The following TCERG1L variants were observed in gnomAD, a reference collection of about 807,000 sequenced individuals.
TCERG1L encodes transcription elongation regulator 1 like.
In TCERG1L, 37 loss-of-function variants were observed where a neutral mutation model predicts 56.3. That is an observed-to-expected ratio of 0.66 (90% CI 0.51 to 0.87). The LOEUF (loss-of-function observed/expected upper bound fraction) is 0.87, where lower values mean the gene tolerates loss of function less well. Ranked by LOEUF, TCERG1L falls within the 40% of genes least tolerant of loss-of-function variation. The pLI, the probability that TCERG1L is intolerant of heterozygous loss-of-function variation, is 0.00. For missense variants in TCERG1L, 799 were observed against 774.2 expected (o/e 1.03, Z -0.38); for synonymous variants, 324 against 326.3 (o/e 0.99, Z 0.08).
Position 131,249,300 on chromosome 10 carries a change from C to T in TCERG1L, c.856+10959G>A, listed in dbSNP as rs534029624. Among the ~76,000 whole-genome samples, 4 of 152,366 alleles carry T rather than the reference C, an allele frequency of 2.6e-5. No homozygotes were observed. In the South Asian group the frequency reaches 8.3e-4, roughly 32 times the overall value. On this transcript the variant is annotated intron_variant, in intron 4 of 11. Transcript: ENST00000368642. The stretch of plus-strand genomic sequence containing the variant: ...CTGTTGAAGAAAAATAAAGGGAATA[C>T]AGCAAGCTCTGGAAAGCCACCCGGC...
intron 4 of TCERG1L, among the ~76,000 whole-genome samples, chr10:131,180,572 A>G (rs754166915): frequency 4.3e-4 from 65 of 152,236 alleles, no homozygotes; most frequent in Admixed American, 1.3e-4. Context: ...ACGATTGTGT[A>G]GAAGAAAGAG....
intron 4 of TCERG1L, 48 bp from the exon 5 acceptor site, chr10:131,166,933 TTTG>T: frequency 1.3e-6 from 2 of 1,556,164 alleles, no homozygotes; most frequent in Non-Finnish European, 1.7e-6. Flanking sequence ...GTCACAGTAG[TTTG>T]GAAAACCTAA....
At chr10:131,188,298 A>G (rs920478394) in intron 4 of TCERG1L, among the ~76,000 whole-genome samples, 2 of 152,236 alleles carry the variant, frequency 1.3e-5, no homozygotes, top group Non-Finnish European at 1.5e-5. Flanking sequence ...AAGAGAACAC[A>G]GTAAAAACGG....
chr10:131,256,883 T>C (rs546759372), intron 4 of TCERG1L, among the ~76,000 whole-genome samples: 1 of 138,134 alleles, frequency 7.2e-6, no homozygotes, highest in African/African-American at 2.8e-5. Flanking sequence ...AGACTCCATC[T>C]CAAGAAAAAG....
intron 5 of TCERG1L, 129 bp downstream of exon 5, chr10:131,166,668 T>C (rs951744892): frequency 1.1e-6 from 1 of 915,284 alleles, no homozygotes; most frequent in African/African-American, 1.6e-5. Context: ...CAGGTCCTGC[T>C]GCTTCACACA....
At chr10:131,137,784 A>C (rs1370136743) in intron 7 of TCERG1L, among the ~76,000 whole-genome samples, 1 of 152,248 alleles carries the variant, frequency 6.6e-6, no homozygotes, top group Non-Finnish European at 1.5e-5. Context: ...ACTCATAAAC[A>C]AAAATATGTA....
intron 4 of TCERG1L, among the ~76,000 whole-genome samples, chr10:131,254,019 G>C (rs1846142191): frequency 6.6e-6 from 1 of 152,196 alleles, no homozygotes; most frequent in Admixed American, 6.5e-5. Context: ...CAGGATGGGA[G>C]GACTCGGGCC....
chr10:131,093,373 C>G, intron 11 of TCERG1L, 55 bp from the exon 12 acceptor site: 2 of 1,590,182 alleles, frequency 1.3e-6, no homozygotes, highest in Non-Finnish European at 1.7e-6. Context: ...CTGGCCTCCC[C>G]AGAGATCCTG....
chr10:131,289,901 GGT>G (rs543466766), intron 3 of TCERG1L, among the ~76,000 whole-genome samples: 146 of 5,220 alleles, frequency 0.028, 5 homozygotes, highest in Middle Eastern at 0.2. Context: ...ATCTCCTATC[GGT>G]GTGTGTGTGT....
At chr10:131,242,484 T>C (rs550091357) in intron 4 of TCERG1L, among the ~76,000 whole-genome samples, 37 of 152,160 alleles carry the variant, frequency 2.4e-4, no homozygotes, top group East Asian at 7.7e-4. Flanking sequence ...GTGGTCAAGG[T>C]GCGGGTTTCA....
chr10:131,245,251 G>A (rs1306743863), intron 4 of TCERG1L, among the ~76,000 whole-genome samples: 3 of 152,210 alleles, frequency 2.0e-5, no homozygotes, highest in African/African-American at 4.8e-5. Flanking sequence ...TAAAGAGTGA[G>A]ATGAAAGGAG....
chr10:131,289,476 TGA>T (rs1379251318), intron 3 of TCERG1L, among the ~76,000 whole-genome samples: 15 of 143,824 alleles, frequency 1.0e-4, no homozygotes, highest in East Asian at 2.1e-4. Context: ...GGTGTGTGTG[TGA>T]GTGTATGTGT....
At chr10:131,296,042 T>C (rs1846686305) in intron 3 of TCERG1L, among the ~76,000 whole-genome samples, 1 of 152,216 alleles carries the variant, frequency 6.6e-6, no homozygotes, top group Admixed American at 6.5e-5. Context: ...TTTTTCCCAC[T>C]GTGTGCCTTT....
At chr10:131,104,478 C>G in intron 9 of TCERG1L, 124 bp from the exon 10 acceptor site, 2 of 639,210 alleles carry the variant, frequency 3.1e-6, no homozygotes, top group Non-Finnish European at 5.6e-6. Flanking sequence ...CAATAGATTC[C>G]GTGATGTGGT....
chr10:131,301,168 C>T (rs1846758360), intron 3 of TCERG1L, among the ~76,000 whole-genome samples: 1 of 151,952 alleles, frequency 6.6e-6, no homozygotes, highest in Non-Finnish European at 1.5e-5. Context: ...GGAAGAAATC[C>T]TTGTCAATTT....
At chr10:131,261,209 A>C (rs1433616121) in intron 3 of TCERG1L, among the ~76,000 whole-genome samples, 1 of 152,222 alleles carries the variant, frequency 6.6e-6, no homozygotes, top group Non-Finnish European at 1.5e-5. Flanking sequence ...TTTCAGTAAA[A>C]CATTTTTTCT....
intron 4 of TCERG1L, among the ~76,000 whole-genome samples, chr10:131,167,701 C>T (rs2133436980): frequency 6.6e-6 from 1 of 152,344 alleles, no homozygotes; most frequent in Admixed American, 6.5e-5. Flanking sequence ...GTGACCGTGG[C>T]TTACTGGCCG....
At chr10:131,163,323 G>A in intron 5 of TCERG1L, 113 bp from the exon 6 acceptor site, 1 of 836,650 alleles carries the variant, frequency 1.2e-6, no homozygotes, top group Non-Finnish European at 1.8e-6. Flanking sequence ...GCTTATAGTA[G>A]CCACGAGATA....
intron 4 of TCERG1L, among the ~76,000 whole-genome samples, chr10:131,250,703 C>T (rs1846100505): frequency 6.6e-6 from 1 of 152,170 alleles, no homozygotes; most frequent in African/African-American, 2.4e-5. Context: ...AGCCTCTCTT[C>T]CTCCTAGCCC....
Sources: gnomAD v4.1 joint callset for allele counts (sites outside exome capture counted in the v4.1 genomes callset) on GRCh38, gnomAD v4.1.1 for gene constraint, MANE v1.5 for transcripts, NCBI Gene and HGNC (gene_info 2026-07-23, HGNC 2026-07-21) for gene names.